CMIP: variants seen among roughly 807,000 people sequenced by gnomAD.
The protein encoded by CMIP is c-Maf inducing protein.
In CMIP, 13 loss-of-function variants were observed where a neutral mutation model predicts 97.3. The ratio of observed to expected loss-of-function variants is 0.13; its 90% confidence interval spans 0.09 to 0.21. CMIP has a LOEUF of 0.21. Ranked by LOEUF, CMIP falls within the 10% of genes least tolerant of loss-of-function variation. The pLI is 1.00. For missense variants in CMIP, 847 were observed against 1,024.9 expected (o/e 0.83, Z 2.37); for synonymous variants, 538 against 436.3 (o/e 1.23, Z -2.91).
chr16:81,598,917 C>G (rs1437731859), intron 1 of CMIP, among the ~76,000 whole-genome samples: 1 of 135,016 alleles, frequency 7.4e-6, no homozygotes, highest in Non-Finnish European at 1.5e-5. Flanking sequence ...TGCAGTGGGC[C>G]AAGATCATGC....
At chr16:81,482,384 A>G (rs551066610) in intron 1 of CMIP, among the ~76,000 whole-genome samples, 1 of 152,210 alleles carries the variant, frequency 6.6e-6, no homozygotes, top group African/African-American at 2.4e-5. Context: ...GTGGGCAGGC[A>G]ATCTAAGGCC....
intron 10 of CMIP, among the ~76,000 whole-genome samples, chr16:81,684,153 G>C (rs1407833823): frequency 6.6e-6 from 1 of 152,138 alleles, no homozygotes; most frequent in Non-Finnish European, 1.5e-5. Context: ...CAGATGTGCT[G>C]TGGGGCCTGG....
Position 81,495,449 on chromosome 16 carries a change from A to G in CMIP, c.300+49908A>G, listed in dbSNP as rs190801491. On this transcript the variant is annotated intron_variant, in intron 1 of 20. Coordinates refer to ENST00000537098, the MANE Select transcript of CMIP (RefSeq NM_198390.3). Reference sequence around the variant, plus strand: ...TGTTTCCTGCGAGGAGGGAAGTTACAGATCTCCGCCCTGGCGTCCGGGGAA... The same window carrying G: ...TGTTTCCTGCGAGGAGGGAAGTTACGGATCTCCGCCCTGGCGTCCGGGGAA... The G allele has an allele frequency of 8.7e-6, 14 of 1,611,284 alleles. No homozygotes were observed. In the African/African-American group the frequency reaches 1.9e-4, roughly 21 times the overall value.
At chr16:81,498,975 G>C (rs1381772153) in intron 1 of CMIP, among the ~76,000 whole-genome samples, 1 of 152,188 alleles carries the variant, frequency 6.6e-6, no homozygotes, top group African/African-American at 2.4e-5. Flanking sequence ...ACAAGCATCT[G>C]AGTGCTTTAC....
At chr16:81,611,462 C>A (rs577159082) in intron 2 of CMIP, 1 of 152,722 alleles carries the variant, frequency 6.5e-6, no homozygotes, top group East Asian at 1.9e-4. Context: ...CCTTCCCTAC[C>A]CCAGCCTGCC....
At chr16:81,657,158 GAAACAGGACCCCTA>G (rs1399344245) in intron 4 of CMIP, among the ~76,000 whole-genome samples, 5 of 152,180 alleles carry the variant, frequency 3.3e-5, no homozygotes, top group Admixed American at 6.5e-5. Flanking sequence ...GATTGGGAAG[GAAACAGGACCCCTA>G]AAATTTCAGC....
At chr16:81,676,290 C>T (rs533866543) in intron 9 of CMIP, among the ~76,000 whole-genome samples, 3 of 152,130 alleles carry the variant, frequency 2.0e-5, no homozygotes, top group South Asian at 2.1e-4. Context: ...CAACACGTTT[C>T]GTGGGCTCAG....
intron 2 of CMIP, among the ~76,000 whole-genome samples, chr16:81,611,755 G>A (rs763426672): frequency 2.9e-4 from 44 of 152,130 alleles, no homozygotes; most frequent in Admixed American, 9.2e-4. Flanking sequence ...CTTCTAAGGA[G>A]CTCTTTGTAA....
At chr16:81,569,766 C>G (rs1393595444) in intron 1 of CMIP, among the ~76,000 whole-genome samples, 1 of 152,218 alleles carries the variant, frequency 6.6e-6, no homozygotes, top group Non-Finnish European at 1.5e-5. Flanking sequence ...TCACCACTGC[C>G]CAGGTGGGTG....
rs376873102 is a variant in CMIP, at chr16:81,627,409, G to T, written c.477+6483G>T. 2.0e-4 allele frequency among the ~76,000 whole-genome samples: 30 copies of T among 152,150 alleles called. 1 individual carries two copies. Among genetic ancestry groups the T allele is most frequent in the African/African-American group, 7.2e-4 (30 of 41,480 alleles). Reference sequence around the variant, plus strand: ...GCAGGCAGAAGGGATCCTGGTAGGAGCCCACGCGTGGGAGCCTCTCATGCG... The same window carrying T: ...GCAGGCAGAAGGGATCCTGGTAGGATCCCACGCGTGGGAGCCTCTCATGCG... On this transcript the variant is annotated intron_variant, in intron 3 of 20. Coordinates refer to ENST00000537098, the MANE Select transcript of CMIP (RefSeq NM_198390.3). The surrounding 1 kb of genome is among the most constrained non-coding windows in gnomAD (Gnocchi z 4.6).
intron 1 of CMIP, among the ~76,000 whole-genome samples, chr16:81,571,705 G>C (rs2091093025): frequency 6.6e-6 from 1 of 152,110 alleles, no homozygotes; most frequent in African/African-American, 2.4e-5. Context: ...TCCTTGGTGT[G>C]TGTAGGACAT....
At chr16:81,450,737 G>A (rs966025889) in intron 1 of CMIP, among the ~76,000 whole-genome samples, 7 of 152,144 alleles carry the variant, frequency 4.6e-5, no homozygotes, top group Admixed American at 1.3e-4. Context: ...AATTCCTTGC[G>A]GGGCGTAGTC....
chr16:81,471,601 A>C (rs1377634745), intron 1 of CMIP, among the ~76,000 whole-genome samples: 1 of 152,228 alleles, frequency 6.6e-6, no homozygotes, highest in Admixed American at 6.5e-5. Flanking sequence ...ACAGTTATAC[A>C]GTAGTCCACT....
At chr16:81,489,114 A>G (rs1177284584) in intron 1 of CMIP, among the ~76,000 whole-genome samples, 1 of 152,140 alleles carries the variant, frequency 6.6e-6, no homozygotes, top group East Asian at 1.9e-4. Flanking sequence ...AGATGCACCC[A>G]TGAAGGCCCA....
chr16:81,507,522 ATT>A (rs2089731460), intron 1 of CMIP, among the ~76,000 whole-genome samples: 2 of 152,184 alleles, frequency 1.3e-5, no homozygotes, highest in Non-Finnish European at 2.9e-5. Flanking sequence ...TGGAATGAGC[ATT>A]TTCCTTGAGG....
At chr16:81,565,840 G>A (rs1361515700) in intron 1 of CMIP, among the ~76,000 whole-genome samples, 1 of 152,202 alleles carries the variant, frequency 6.6e-6, no homozygotes, top group Non-Finnish European at 1.5e-5. Context: ...TTCAGGATGT[G>A]CCGACTCTCA....
intron 1 of CMIP, among the ~76,000 whole-genome samples, chr16:81,554,785 G>T (rs914309339): frequency 3.3e-5 from 5 of 152,226 alleles, no homozygotes; most frequent in African/African-American, 1.2e-4. Flanking sequence ...TATCTGGTAA[G>T]ACTCTGTGGG....
At position 81,699,893 on chromosome 16, in the gene CMIP, G is replaced by T. The variant is rs115499533; in HGVS notation, c.1755+92G>T. The T allele has an allele frequency of 7.6e-3, 6,438 of 846,428 alleles. 290 individuals are homozygous for T. The African/African-American group carries it at 0.099, about 13-fold the overall frequency. The allele number at this position is 846,428 out of a possible 1,614,324, so 52.4% of individuals were successfully genotyped here. ...CATCTGCTGGGAGCCAGGAGCTGCT[G>T]CAGGCACGGGGGGCAGTGGGTGAGG... On this transcript the variant is annotated intron_variant, in intron 15 of 20. Coordinates refer to ENST00000537098, the MANE Select transcript of CMIP (RefSeq NM_198390.3).
In CMIP at chr16:81,614,230, C is replaced by T. The variant is rs1182536698; in HGVS notation, c.426+6538C>T. On this transcript the variant is annotated intron_variant, in intron 2 of 20. Coordinates refer to ENST00000537098, the MANE Select transcript of CMIP (RefSeq NM_198390.3). The surrounding 1 kb of genome is among the most constrained non-coding windows in gnomAD (Gnocchi z 5.3). ...GAGTACACGCTGCATGGAAGCCAGT[C>T]TGAGAGCAGGGCAGGCCAGGTGCTG... Among the ~76,000 whole-genome samples the T allele has an allele frequency of 6.6e-6, 1 of 152,198 alleles. No individual in the cohort carries two copies. Among genetic ancestry groups the T allele is most frequent in the Admixed American group, 6.5e-5 (1 of 15,286 alleles).
Sources: gnomAD v4.1 joint callset for allele counts (sites outside exome capture counted in the v4.1 genomes callset) on GRCh38, gnomAD v4.1.1 for gene constraint, Gnocchi (gnomAD v3.1) non-coding constraint, MANE v1.5 for transcripts, NCBI Gene and HGNC (gene_info 2026-07-23, HGNC 2026-07-21) for gene names.